Variants in TNRC6A observed in about 807,000 individuals in gnomAD.
TNRC6A encodes trinucleotide repeat containing adaptor 6A.
TNRC6A carries 44 observed loss-of-function variants against 221.2 expected under a neutral mutation model. That is an observed-to-expected ratio of 0.20 (90% CI 0.16 to 0.26). The LOEUF is 0.26. TNRC6A is among the 10% of genes least tolerant of loss of function. The pLI is 1.00. For synonymous variants in TNRC6A, 847 were observed against 838.5 expected (o/e 1.01, Z -0.18); for missense variants, 2,199 against 2,404.4 (o/e 0.91, Z 1.79).
At chr16:24,680,519 C>G (rs1005471923) in intron 2 of TNRC6A, among the ~76,000 whole-genome samples, 3 of 151,730 alleles carry the variant, frequency 2.0e-5, no homozygotes, top group African/African-American at 7.3e-5. Flanking sequence ...GAGTTCAAGA[C>G]CAGCCTCACC....
At chr16:24,670,349 G>T (rs1004200190) in intron 2 of TNRC6A, among the ~76,000 whole-genome samples, 1 of 152,066 alleles carries the variant, frequency 6.6e-6, no homozygotes, top group African/African-American at 2.4e-5. Context: ...GGCAGAGCTG[G>T]GAGTCTAAGG....
At chr16:24,627,663 T>C in intron 1 of TNRC6A, among the ~76,000 whole-genome samples, 1 of 151,550 alleles carries the variant, frequency 6.6e-6, no homozygotes, top group Admixed American at 6.6e-5. Context: ...ACTTCTGATC[T>C]GCTAACAGGT....
chr16:24,745,396 A>G (rs532317160), intron 2 of TNRC6A, among the ~76,000 whole-genome samples: 3 of 152,290 alleles, frequency 2.0e-5, no homozygotes, highest in South Asian at 2.1e-4. Flanking sequence ...GGGGGTGGCA[A>G]TCAAATGGGA....
intron 2 of TNRC6A, among the ~76,000 whole-genome samples, chr16:24,674,421 T>C (rs1210524052): frequency 6.6e-6 from 1 of 152,000 alleles, no homozygotes; most frequent in Non-Finnish European, 1.5e-5. Context: ...TATATAGATA[T>C]ATAAATAAAA....
At chr16:24,819,882 C>G in intron 21 of TNRC6A, 1 of 474,548 alleles carries the variant, frequency 2.1e-6, no homozygotes, top group East Asian at 3.4e-5. Flanking sequence ...AGTTTGAGTA[C>G]AGTTTTGGAC....
chr16:24,753,590 A>G (rs550908395), intron 3 of TNRC6A, among the ~76,000 whole-genome samples: 6 of 152,268 alleles, frequency 3.9e-5, no homozygotes, highest in African/African-American at 9.6e-5. Flanking sequence ...AAAACCCCCA[A>G]ATGACACACT....
At chr16:24,654,945 T>A (rs1340150718) in intron 2 of TNRC6A, among the ~76,000 whole-genome samples, 2 of 151,998 alleles carry the variant, frequency 1.3e-5, no homozygotes, top group Non-Finnish European at 2.9e-5. Context: ...TATGATCATC[T>A]ATGAGGTAAA....
At chr16:24,772,494 A>C (rs1567450836) in intron 4 of TNRC6A, among the ~76,000 whole-genome samples, 1 of 145,682 alleles carries the variant, frequency 6.9e-6, no homozygotes, top group East Asian at 2.0e-4. Context: ...AACCCTGCCT[A>C]AAAAAAAAAA....
At chr16:24,693,069 C>A (rs9922226) in intron 2 of TNRC6A, among the ~76,000 whole-genome samples, 1 of 151,838 alleles carries the variant, frequency 6.6e-6, no homozygotes, top group Admixed American at 6.6e-5. Context: ...TAAACACACT[C>A]ACACTATTAA....
intron 4 of TNRC6A, among the ~76,000 whole-genome samples, chr16:24,775,177 T>C (rs1567454246): frequency 6.6e-6 from 1 of 152,204 alleles, no homozygotes; most frequent in Non-Finnish European, 1.5e-5. Flanking sequence ...ATATACGTTA[T>C]TGTTACATAT....
At chr16:24,667,483 C>T (rs566443426) in intron 2 of TNRC6A, among the ~76,000 whole-genome samples, 20 of 152,286 alleles carry the variant, frequency 1.3e-4, no homozygotes, top group South Asian at 1.2e-3. Flanking sequence ...GGCAGGAAAA[C>T]GGATTTCTCT....
chr16:24,702,069 T>G (rs1391971715), intron 2 of TNRC6A, among the ~76,000 whole-genome samples: 2 of 151,236 alleles, frequency 1.3e-5, no homozygotes, highest in Admixed American at 6.6e-5. Context: ...TCTTTCACAT[T>G]TCACATGTAA....
At chr16:24,723,740 A>G (rs1177902443) in intron 2 of TNRC6A, among the ~76,000 whole-genome samples, 1 of 151,686 alleles carries the variant, frequency 6.6e-6, no homozygotes, top group African/African-American at 2.4e-5. Flanking sequence ...TTTTTGTTCC[A>G]TTTTAATTAT....
intron 1 of TNRC6A, among the ~76,000 whole-genome samples, chr16:24,635,377 G>C (rs922859579): frequency 6.6e-6 from 1 of 152,020 alleles, no homozygotes; most frequent in Non-Finnish European, 1.5e-5. Flanking sequence ...CTGCCTCCCA[G>C]GTTCAAGCCA....
rs1596858262 is a variant in TNRC6A at position 24,825,867 on chromosome 16, G to A, written c.*2060G>A. The A allele has an allele frequency of 6.5e-6, 1 of 152,770 alleles. No homozygotes were observed. Among genetic ancestry groups the A allele is most frequent in the Non-Finnish European group, 1.5e-5 (1 of 68,064 alleles). 9.5% of individuals were successfully genotyped at this position (152,770 alleles called of 1,614,324 possible). A position where few individuals can be genotyped will look rare whatever the true frequency, so the allele number is the denominator to read the frequency against. ...ACTGGCCTTTTCTTCCCCCTTCACGGCCCTCGCTTCTCCCTGCAGGAGCTC... is the reference window on the plus strand; with the variant it reads ...ACTGGCCTTTTCTTCCCCCTTCACGACCCTCGCTTCTCCCTGCAGGAGCTC... On this transcript the variant is annotated 3_prime_UTR_variant, in exon 25 of 25. Coordinates refer to ENST00000395799, the MANE Select transcript of TNRC6A (RefSeq NM_014494.4).
At position 24,679,462 on chromosome 16, in the gene TNRC6A, C is replaced by A. The variant is rs1010361610; in HGVS notation, n.402+38453C>A. ...GAGACTACAGGCACATACCACCATA[C>A]CTGACTAATTTTGTTTTTTTTGTTT... On this transcript the variant is annotated intron_variant and non_coding_transcript_variant, in intron 2 of 2. Coordinates refer to the TNRC6A transcript ENST00000566108. Among the ~76,000 whole-genome samples, 5 of 151,954 alleles carry A rather than the reference C, an allele frequency of 3.3e-5. No homozygotes were observed. The East Asian group carries it at 5.8e-4, about 18-fold the overall frequency.
At chr16:24,695,677 C>A (rs113379417) in intron 2 of TNRC6A, among the ~76,000 whole-genome samples, 1 of 151,964 alleles carries the variant, frequency 6.6e-6, no homozygotes, top group Non-Finnish European at 1.5e-5. Context: ...GGATTACAGG[C>A]GTGAGCCACC....
At chr16:24,621,522 T>A (rs1207949349) in intron 1 of TNRC6A, among the ~76,000 whole-genome samples, 1 of 151,776 alleles carries the variant, frequency 6.6e-6, no homozygotes, top group Non-Finnish European at 1.5e-5. Flanking sequence ...CACACCCAAC[T>A]AATTTTTGTA....
intron 3 of TNRC6A, among the ~76,000 whole-genome samples, chr16:24,755,972 A>G (rs1401196921): frequency 1.3e-5 from 2 of 152,192 alleles, no homozygotes; most frequent in Non-Finnish European, 2.9e-5. Context: ...CCTCATAATA[A>G]CCCTGAAAGG....
Sources: gnomAD v4.1 joint callset for allele counts (sites outside exome capture counted in the v4.1 genomes callset) on GRCh38, gnomAD v4.1.1 for gene constraint, MANE v1.5 for transcripts, NCBI Gene and HGNC (gene_info 2026-07-23, HGNC 2026-07-21) for gene names.